Variants in MID1 observed in about 807,000 individuals in gnomAD.
MID1 encodes midline 1, also known as E3 ubiquitin-protein ligase Midline-1.
MID1 carries 7 observed loss-of-function variants against 40.4 expected under a neutral mutation model. The ratio of observed to expected loss-of-function variants is 0.17; its 90% CI spans 0.10 to 0.33. The LOEUF is 0.33. Among genes scored for constraint, MID1 ranks in the 10% least tolerant of loss-of-function variants. The pLI is 1.00. For synonymous variants in MID1, 229 were observed against 221.2 expected (o/e 1.04, Z -0.31); for missense variants, 367 against 558.5 (o/e 0.66, Z 3.46).
chrX:10,764,858 C>G (rs1319360093), intron 1 of MID1, among the ~76,000 whole-genome samples: 1 of 111,989 alleles, frequency 8.9e-6, no homozygotes, highest in Non-Finnish European at 1.9e-5. Context: ...ACACTTTTTG[C>G]TTTCTAAATA....
chrX:10,465,212 T>TACACACACACACAC (rs1291317865), intron 7 of MID1, among the ~76,000 whole-genome samples: 1 of 56,044 alleles, frequency 1.8e-5, no homozygotes, highest in African/African-American at 1.1e-4. Flanking sequence ...TATATATATA[T>TACACACACACACAC]ATACACACAC....
chrX:10,562,475 C>T (rs1463885619), intron 2 of MID1, among the ~76,000 whole-genome samples: 1 of 103,809 alleles, frequency 9.6e-6, no homozygotes, highest in Non-Finnish European at 1.9e-5. Context: ...CATTAATGAG[C>T]TCATGGAAAT....
intron 1 of MID1, among the ~76,000 whole-genome samples, chrX:10,598,260 C>T (rs1055929653): frequency 2.7e-5 from 3 of 112,199 alleles, no homozygotes; most frequent in African/African-American, 9.7e-5. Context: ...AGTCACAAAA[C>T]TTCGCTTTGG....
At chrX:10,562,876 T>C (rs1184030886) in intron 2 of MID1, among the ~76,000 whole-genome samples, 1 of 106,849 alleles carries the variant, frequency 9.4e-6, no homozygotes, top group Non-Finnish European at 1.9e-5. Context: ...AAGATTATAA[T>C]ATTAAATAAA....
intron 2 of MID1, among the ~76,000 whole-genome samples, chrX:10,529,389 T>A (rs1451289714): frequency 8.9e-6 from 1 of 112,368 alleles, no homozygotes; most frequent in Non-Finnish European, 1.9e-5. Context: ...CTCAGCTTTC[T>A]CATGATGTGA....
chrX:10,456,526 C>T (rs1446659538), intron 8 of MID1, among the ~76,000 whole-genome samples: 2 of 112,589 alleles, frequency 1.8e-5, no homozygotes, highest in African/African-American at 6.5e-5. Context: ...TTTTAGAAAT[C>T]TATTTCTGTA....
intron 3 of MID1, chrX:10,505,971 TAC>T: frequency 4.0e-6 from 3 of 756,021 alleles, no homozygotes; most frequent in Non-Finnish European, 4.7e-6. Flanking sequence ...TGGTATTCCG[TAC>T]AGTGAGTGAA....
At chrX:10,689,297 C>A (rs908232313) in intron 1 of MID1, among the ~76,000 whole-genome samples, 2 of 111,395 alleles carry the variant, frequency 1.8e-5, no homozygotes, top group African/African-American at 6.5e-5. Flanking sequence ...AAAGGGGAAG[C>A]AAGCACCTTT....
At chrX:10,569,662 A>G (rs1934668161) in intron 1 of MID1, among the ~76,000 whole-genome samples, 1 of 112,297 alleles carries the variant, frequency 8.9e-6, no homozygotes, top group Admixed American at 9.4e-5. Flanking sequence ...TAGAAGGATG[A>G]GCATCAAATT....
chrX:10,595,087 C>T (rs768216619), intron 1 of MID1, among the ~76,000 whole-genome samples: 14 of 111,741 alleles, frequency 1.3e-4, no homozygotes, highest in Non-Finnish European at 2.3e-4. Flanking sequence ...GTATCATTTT[C>T]CCCCTTCTGC....
intron 1 of MID1, among the ~76,000 whole-genome samples, chrX:10,656,035 G>A (rs984578753): frequency 3.6e-5 from 4 of 111,924 alleles, no homozygotes; most frequent in African/African-American, 9.7e-5. Flanking sequence ...GTTATGCAGC[G>A]CTGGATAACT....
intron 1 of MID1, among the ~76,000 whole-genome samples, chrX:10,653,832 A>G (rs757919637): frequency 8.8e-6 from 1 of 113,036 alleles, no homozygotes; most frequent in South Asian, 3.6e-4. Flanking sequence ...TGTGCTTCAC[A>G]GGAATGCAAA....
At chrX:10,670,109 A>G (rs1417555301) in intron 1 of MID1, among the ~76,000 whole-genome samples, 1 of 112,458 alleles carries the variant, frequency 8.9e-6, no homozygotes, top group African/African-American at 3.2e-5. Context: ...AAGAATTGCA[A>G]GGAACAAATG....
intron 3 of MID1, among the ~76,000 whole-genome samples, chrX:10,508,505 CTT>C (rs1931956341): frequency 9.0e-6 from 1 of 111,454 alleles, no homozygotes; most frequent in Non-Finnish European, 1.9e-5. Flanking sequence ...TTACACAGTA[CTT>C]TGATTGGATG....
At chrX:10,743,966 G>C (rs769305026) in intron 1 of MID1, among the ~76,000 whole-genome samples, 1 of 111,659 alleles carries the variant, frequency 9.0e-6, no homozygotes, top group East Asian at 2.8e-4. Context: ...CCATGGCTTA[G>C]AAATCTGAGA....
At chrX:10,588,185 T>TA (rs754824499) in intron 1 of MID1, among the ~76,000 whole-genome samples, 1 of 112,816 alleles carries the variant, frequency 8.9e-6, no homozygotes, top group East Asian at 2.8e-4. Flanking sequence ...TTAATGTAGG[T>TA]AAAAATCCAC....
chrX:10,506,421 C>T, intron 3 of MID1: 1 of 850,581 alleles, frequency 1.2e-6, no homozygotes, highest in Non-Finnish European at 1.7e-6. Flanking sequence ...CTTACCAAGA[C>T]CACCTTGGGC....
At chrX:10,830,403 C>T (rs192666315) in intron 1 of MID1, among the ~76,000 whole-genome samples, 1 of 112,282 alleles carries the variant, frequency 8.9e-6, no homozygotes, top group Admixed American at 9.4e-5. Flanking sequence ...CCCATTTTTC[C>T]TCCAGAGTAC....
At chrX:10,533,364 GAAAGAAAGAAAGA>G (rs1569089664) in intron 2 of MID1, among the ~76,000 whole-genome samples, 10 of 52,036 alleles carry the variant, frequency 1.9e-4, no homozygotes, top group African/African-American at 8.4e-4. Context: ...AAGAAAGAAA[GAAAGAAAGAAAGA>G]AAAAGAAAGA....
Sources: allele counts gnomAD v4.1 joint callset (sites outside exome capture counted in the v4.1 genomes callset), GRCh38; gene constraint gnomAD v4.1.1; transcripts MANE v1.5; gene names NCBI Gene and HGNC (gene_info 2026-07-23, HGNC 2026-07-21).